The following MARK1 variants were observed in gnomAD, a reference collection of about 807,000 sequenced individuals.
MARK1 encodes the protein microtubule affinity regulating kinase 1, also known as serine/threonine-protein kinase MARK1.
MARK1 carries 40 observed loss-of-function variants against 96.3 expected under a neutral mutation model. The ratio of observed to expected loss-of-function variants is 0.42; its 90% CI spans 0.32 to 0.54. The LOEUF is 0.54. MARK1 is among the 20% of genes least tolerant of loss of function. The pLI, the probability that MARK1 is intolerant of heterozygous loss-of-function variation, is 0.16. For missense variants in MARK1, 719 were observed against 984.6 expected, an observed-to-expected ratio of 0.73 and a Z score of 3.61; for synonymous variants, 317 against 341.2, an observed-to-expected ratio of 0.93 and a Z score of 0.78.
chr1:220,599,263 C>G lies in MARK1; in HGVS notation c.359-535C>G, dbSNP rs570411468. On this transcript the variant is annotated intron_variant, in intron 4 of 17. Transcript: ENST00000366917. Reference sequence around the variant, plus strand: ...TCTTTTTAAAATCTGTTTTTTAAAACACTTTTTTTTGCACATTTAAAAATC... The same window carrying G: ...TCTTTTTAAAATCTGTTTTTTAAAAGACTTTTTTTTGCACATTTAAAAATC... Among the ~76,000 whole-genome samples, 34 of 152,060 alleles carry G rather than the reference C, an allele frequency of 2.2e-4. 1 individual carries two copies. The South Asian group carries it at 7.1e-3, about 32-fold the overall frequency.
chr1:220,645,088 G>A (rs1052663597), intron 13 of MARK1, among the ~76,000 whole-genome samples: 1 of 151,986 alleles, frequency 6.6e-6, no homozygotes, highest in African/African-American at 2.4e-5. Flanking sequence ...CTGAACTGAA[G>A]GAGATAGAGA....
intron 16 of MARK1, among the ~76,000 whole-genome samples, chr1:220,657,458 T>C (rs1407969413): frequency 5.9e-5 from 9 of 152,200 alleles, no homozygotes; most frequent in African/African-American, 1.9e-4. Flanking sequence ...TTGATAATTA[T>C]TAAATAGTTT....
At chr1:220,538,349 G>T (rs1169862336) in intron 1 of MARK1, among the ~76,000 whole-genome samples, 1 of 150,534 alleles carries the variant, frequency 6.6e-6, no homozygotes, top group Non-Finnish European at 1.5e-5. Flanking sequence ...TTTCCCCATT[G>T]CTTGTTTTTC....
chr1:220,582,828 A>G (rs575007655), intron 3 of MARK1, among the ~76,000 whole-genome samples: 185 of 152,352 alleles, frequency 1.2e-3, no homozygotes, highest in African/African-American at 4.2e-3. Context: ...TTTTCCAAAT[A>G]GGCATATAAA....
chr1:220,660,590 A>G (rs1235669971), intron 17 of MARK1, among the ~76,000 whole-genome samples: 1 of 152,204 alleles, frequency 6.6e-6, no homozygotes, highest in Non-Finnish European at 1.5e-5. Context: ...AGTTGCAATT[A>G]TAACATCTCT....
intron 6 of MARK1, among the ~76,000 whole-genome samples, chr1:220,609,918 C>T (rs1177454095): frequency 6.6e-6 from 1 of 152,192 alleles, no homozygotes; most frequent in Non-Finnish European, 1.5e-5. Flanking sequence ...CCAAGAGATC[C>T]TCTGTTAGTC....
At chr1:220,530,185 G>T (rs1660219750) in intron 1 of MARK1, among the ~76,000 whole-genome samples, 1 of 151,048 alleles carries the variant, frequency 6.6e-6, no homozygotes, top group Admixed American at 6.6e-5. Context: ...GACCTGTGAA[G>T]ATGTTTCAGA....
chr1:220,635,608 G>A (rs1308570465), intron 12 of MARK1, 79 bp downstream of exon 12: 9 of 1,442,552 alleles, frequency 6.2e-6, no homozygotes, highest in Admixed American at 2.2e-5. Context: ...GTACATTCAC[G>A]TCTCTATGTG....
At chr1:220,605,511 T>A (rs1666013477) in intron 6 of MARK1, among the ~76,000 whole-genome samples, 1 of 151,600 alleles carries the variant, frequency 6.6e-6, no homozygotes, top group Non-Finnish European at 1.5e-5. Flanking sequence ...TTTTATTTTA[T>A]TTTTCTTCCT....
intron 1 of MARK1, chr1:220,576,564 A>G (rs1257107524): frequency 6.6e-6 from 1 of 152,202 alleles, no homozygotes; most frequent in African/African-American, 2.4e-5. Flanking sequence ...AATGTGGTAT[A>G]GTATTAATAT....
intron 10 of MARK1, 110 bp from the exon 11 acceptor site, chr1:220,632,091 T>G: frequency 7.5e-6 from 4 of 536,138 alleles, no homozygotes; most frequent in Non-Finnish European, 1.0e-5. Context: ...ACACTTTAAA[T>G]TTTCATGACT....
intron 6 of MARK1, among the ~76,000 whole-genome samples, chr1:220,606,314 G>A (rs181702540): frequency 6.6e-6 from 1 of 152,210 alleles, no homozygotes; most frequent in African/African-American, 2.4e-5. Context: ...TGGCTGCATA[G>A]ATGTCTTGTT....
chr1:220,602,356 C>T (rs1053243348), intron 5 of MARK1, among the ~76,000 whole-genome samples: 3 of 152,098 alleles, frequency 2.0e-5, no homozygotes, highest in Non-Finnish European at 4.4e-5. Context: ...AAAATGCTTA[C>T]CATGTGTCAG....
At position 220,653,183 on chromosome 1, in the gene MARK1, G is replaced by C. The variant is rs1421669524; in HGVS notation, c.1819G>C (p.Gly607Arg). 8 of 1,614,190 alleles carry C rather than the reference G, an allele frequency of 5.0e-6. No homozygotes were observed. The highest frequency in any genetic ancestry group is 6.8e-6 in the Non-Finnish European group (8 of 1,180,022). ...ATPDRTRFPR[G>R]SSSRSTFHGE... is the part of the protein sequence containing the mutation. The stretch of plus-strand genomic sequence containing the variant: ...TCCAGACCGGACCCGTTTTCCCCGA[G>C]GGAGCTCAAGCCGAAGCACTTTCCA... Residue 607 changes from glycine (G) to arginine (R), a missense_variant, in exon 16 of 18, where the codon GGG becomes CGG. Transcript: ENST00000366917.
chr1:220,585,927 G>T (rs941633712), intron 3 of MARK1, among the ~76,000 whole-genome samples: 4 of 151,686 alleles, frequency 2.6e-5, no homozygotes, highest in African/African-American at 9.7e-5. Flanking sequence ...GACCAGTTTA[G>T]ACAAAGTCAC....
chr1:220,635,527 A>T lies in MARK1; in HGVS notation c.1274A>T (p.His425Leu), dbSNP rs773282270. The T allele has an allele frequency of 6.2e-7, 1 of 1,601,780 alleles. No individual in the cohort carries two copies. Among genetic ancestry groups the T allele is most frequent in the South Asian group, 1.1e-5 (1 of 88,178 alleles). ...CAGAAGCAGCGGCGTTTCAGTGATC[A>T]TGGTAGGGGAAAAAGTCACATAAGT... ...ANQKQRRFSD[H>L]AGPSIPPAVS... Residue 425 changes from histidine to leucine, a missense_variant and splice_region_variant, in exon 12 of 18, where the codon CAT becomes CTT. Physicochemically the swap from His to Leu is moderately conservative, Grantham distance 99. This residue lies in a region of MARK1 where 501 missense variants were observed against 588.3 expected (regional missense o/e 0.85). Transcript: ENST00000366917.
chr1:220,624,735 A>T, intron 9 of MARK1, among the ~76,000 whole-genome samples: 1 of 152,332 alleles, frequency 6.6e-6, no homozygotes, highest in South Asian at 2.1e-4. Flanking sequence ...GCACCAAATA[A>T]ATACAACTTA....
intron 9 of MARK1, among the ~76,000 whole-genome samples, chr1:220,621,221 C>T (rs116577257): frequency 0.013 from 2,013 of 152,010 alleles, 47 homozygotes; most frequent in African/African-American, 0.045. Flanking sequence ...CCTTGGGTTA[C>T]GTAACGTAAT....
chr1:220,548,814 C>A (rs565674148), intron 1 of MARK1, among the ~76,000 whole-genome samples: 1 of 152,118 alleles, frequency 6.6e-6, no homozygotes, highest in South Asian at 2.1e-4. Context: ...ATTGTAATTT[C>A]TGGCATGAGT....
Sources: gnomAD v4.1 joint callset for allele counts (sites outside exome capture counted in the v4.1 genomes callset) on GRCh38, gnomAD v4.1.1 for gene constraint, gnomAD v4.1.1 regional missense constraint, MANE v1.5 for transcripts, NCBI Gene and HGNC (gene_info 2026-07-23, HGNC 2026-07-21) for gene names.